KDM7A: variants seen among roughly 807,000 people sequenced by gnomAD.
KDM7A encodes the protein lysine-specific demethylase 7A.
Under a neutral mutation model 114.8 loss-of-function variants are expected in KDM7A, and 28 were observed. That is an observed-to-expected ratio of 0.24 (90% CI 0.18 to 0.33). The LOEUF is 0.33. Ranked by LOEUF, KDM7A falls within the 10% of genes least tolerant of loss-of-function variation. KDM7A has a pLI of 1.00. For missense variants in KDM7A, 942 were observed against 1,142.5 expected (o/e 0.82, Z 2.53); for synonymous variants, 423 against 397.8 (o/e 1.06, Z -0.75).
In KDM7A at chr7:140,140,308, A is replaced by G. The variant is rs145418895; in HGVS notation, c.195-1118T>C. On this transcript the variant is annotated intron_variant, in intron 1 of 19. Transcript: ENST00000397560. ...ATTATTAGATTAAAAGAAAAATATC[A>G]TATGACCATTTAAAAAGATTCAGGA... is the stretch of plus-strand genomic sequence containing the variant. Among the ~76,000 whole-genome samples, 3 of 152,370 alleles carry G rather than the reference A, an allele frequency of 2.0e-5. No individual in the cohort carries two copies. The South Asian group carries it at 6.2e-4, about 32-fold the overall frequency.
chr7:140,127,142 G>T (rs2286076), intron 5 of KDM7A, among the ~76,000 whole-genome samples: 29,874 of 152,146 alleles, frequency 0.2, 3,608 homozygotes, highest in East Asian at 0.32. Context: ...TGTATTTTTA[G>T]TAGAGAGGGG....
chr7:140,137,794 C>T (rs1818895076), intron 2 of KDM7A, among the ~76,000 whole-genome samples: 1 of 151,998 alleles, frequency 6.6e-6, no homozygotes. Context: ...AACAAATGAG[C>T]AGTCAGTTGC....
intron 1 of KDM7A, among the ~76,000 whole-genome samples, chr7:140,152,539 AC>A (rs1562958693): frequency 1.3e-5 from 2 of 151,344 alleles, no homozygotes; most frequent in African/African-American, 4.9e-5. Context: ...CGTGAGAATC[AC>A]TTGATCCCGG....
intron 6 of KDM7A, among the ~76,000 whole-genome samples, chr7:140,125,752 T>C (rs1818690943): frequency 6.6e-6 from 1 of 151,648 alleles, no homozygotes; most frequent in African/African-American, 2.4e-5. Flanking sequence ...TTTTTACTTT[T>C]AGAGACAGGT....
intron 7 of KDM7A, among the ~76,000 whole-genome samples, chr7:140,121,483 GCTTGAC>G (rs1345033362): frequency 6.6e-6 from 1 of 152,210 alleles, no homozygotes; most frequent in Non-Finnish European, 1.5e-5. Context: ...AAAGCCTTGA[GCTTGAC>G]CTTGAAACCA....
intron 9 of KDM7A, among the ~76,000 whole-genome samples, chr7:140,115,930 A>G (rs1414227050): frequency 6.6e-6 from 1 of 151,286 alleles, no homozygotes; most frequent in East Asian, 1.9e-4. Flanking sequence ...GAAAAAAACT[A>G]CCCGATTCTA....
At chr7:140,113,683 T>C in intron 9 of KDM7A, 101 bp from the exon 10 acceptor site, 1 of 503,952 alleles carries the variant, frequency 2.0e-6, no homozygotes, top group South Asian at 3.6e-5. Context: ...TATAAAACTA[T>C]ATAACTTCCA....
chr7:140,096,375 G>C (rs1818109245), intron 17 of KDM7A, among the ~76,000 whole-genome samples, 180 bp downstream of exon 17: 1 of 152,146 alleles, frequency 6.6e-6, no homozygotes, highest in Non-Finnish European at 1.5e-5. Flanking sequence ...TTTACATTTT[G>C]AGTTCTTCTG....
chr7:140,171,459 T>A (rs1211707066), intron 1 of KDM7A, among the ~76,000 whole-genome samples: 2 of 148,660 alleles, frequency 1.3e-5, no homozygotes, highest in African/African-American at 2.5e-5. Flanking sequence ...CAGAGCAAGA[T>A]TCGGTCTCAA....
In KDM7A at chr7:140,100,799, C is replaced by T. The variant is rs185697046; in HGVS notation, c.1639-776G>A. On this transcript the variant is annotated intron_variant, in intron 12 of 19. Transcript: ENST00000397560. Reference sequence around the variant, plus strand: ...GTTTGGAGACGGAGTCTCGCTCTGTCGCCCAGGCTGGAGTGCAATGGCATG... The same window carrying T: ...GTTTGGAGACGGAGTCTCGCTCTGTTGCCCAGGCTGGAGTGCAATGGCATG... Among the ~76,000 whole-genome samples, 1,323 of 148,282 alleles carry T rather than the reference C, an allele frequency of 8.9e-3. 23 individuals are homozygous for T. The highest frequency in any genetic ancestry group is 0.032 in the African/African-American group (1,286 of 40,346).
chr7:140,147,360 G>A (rs918322194), intron 1 of KDM7A, among the ~76,000 whole-genome samples: 4 of 151,936 alleles, frequency 2.6e-5, no homozygotes, highest in Admixed American at 2.0e-4. Context: ...AATTCTATTC[G>A]GTTTGAATTT....
chr7:140,108,728 T>C (rs1433730569), intron 11 of KDM7A, among the ~76,000 whole-genome samples: 1 of 152,226 alleles, frequency 6.6e-6, no homozygotes, highest in East Asian at 1.9e-4. Context: ...AGGGACCCAC[T>C]TGAGGAGGCA....
chr7:140,156,329 T>C (rs2116842822), intron 1 of KDM7A, among the ~76,000 whole-genome samples: 2 of 152,348 alleles, frequency 1.3e-5, no homozygotes, highest in East Asian at 3.9e-4. Flanking sequence ...CAGGCGTTAA[T>C]ACACAAACAC....
intron 3 of KDM7A, among the ~76,000 whole-genome samples, chr7:140,131,198 A>G (rs1331902507): frequency 1.3e-5 from 2 of 152,068 alleles, no homozygotes; most frequent in Non-Finnish European, 2.9e-5. Flanking sequence ...AGTAACTTTA[A>G]GCCAAGAATG....
At position 140,129,659 on chromosome 7, in the gene KDM7A, G is replaced by GA. The variant is rs745859252; in HGVS notation, c.399-7dup. On this transcript the variant is annotated splice_polypyrimidine_tract_variant and splice_region_variant and intron_variant, in intron 3 of 19. Coordinates refer to ENST00000397560, the MANE Select transcript of KDM7A (RefSeq NM_030647.2). ...TTATAATTATTTCATCGGCACTAAG[G>GA]AAAAACATAAGAATAAAAATGTCAT... is the stretch of plus-strand genomic sequence containing the variant. 1.3e-6 allele frequency: 2 copies of GA among 1,585,528 alleles called. No homozygotes were observed. Among genetic ancestry groups the GA allele is most frequent in the Non-Finnish European group, 1.7e-6 (2 of 1,157,156 alleles).
At chr7:140,112,989 G>A (rs965166827) in intron 10 of KDM7A, among the ~76,000 whole-genome samples, 2 of 152,174 alleles carry the variant, frequency 1.3e-5, no homozygotes, top group South Asian at 2.1e-4. Context: ...GAGTGGTAAC[G>A]AGCATAGGCT....
chr7:140,090,020 A>G lies in KDM7A; in HGVS notation c.*1074T>C, dbSNP rs908217723. ...ATCAGGTATGGAGCATAAAAGTATC[A>G]TAAGGTATAACCTCTGCAGCAGGTG... On this transcript the variant is annotated 3_prime_UTR_variant, in exon 20 of 20. Coordinates refer to ENST00000397560, the MANE Select transcript of KDM7A (RefSeq NM_030647.2). 1 of 152,244 alleles carries G rather than the reference A, an allele frequency of 6.6e-6. No homozygotes were observed. The highest frequency in any genetic ancestry group is 1.5e-5 in the Non-Finnish European group (1 of 68,044). 9.4% of individuals were successfully genotyped at this position (152,244 alleles called of 1,614,324 possible). A position where few individuals can be genotyped will look rare whatever the true frequency, so the allele number is the denominator to read the frequency against.
chr7:140,121,390 A>AC (rs1562951894), intron 7 of KDM7A, among the ~76,000 whole-genome samples: 1 of 152,130 alleles, frequency 6.6e-6, no homozygotes, highest in Admixed American at 6.5e-5. Context: ...TCATCTTTTG[A>AC]CCCCTCACTG....
chr7:140,128,416 T>C (rs1281201925), intron 4 of KDM7A, among the ~76,000 whole-genome samples: 1 of 152,218 alleles, frequency 6.6e-6, no homozygotes, highest in Non-Finnish European at 1.5e-5. Context: ...TATAGACTTC[T>C]TTATCATCAG....
Sources: gnomAD v4.1 joint callset for allele counts (sites outside exome capture counted in the v4.1 genomes callset) on GRCh38, gnomAD v4.1.1 for gene constraint, MANE v1.5 for transcripts, NCBI Gene and HGNC (gene_info 2026-07-23, HGNC 2026-07-21) for gene names.